Variants in MYO7B observed in about 807,000 individuals in gnomAD.
The protein encoded by MYO7B is unconventional myosin-VIIb.
In MYO7B, 212 loss-of-function variants were observed where a neutral mutation model predicts 259.7. The observed-to-expected ratio is 0.82, with a 90% CI of 0.73 to 0.91. MYO7B has a LOEUF of 0.91. Ranked by LOEUF, MYO7B falls within the 40% of genes least tolerant of loss-of-function variation. The pLI is 0.00. For missense variants in MYO7B, 2,732 were observed against 2,813.5 expected, an observed-to-expected ratio of 0.97 and a Z score of 0.66; for synonymous variants, 1,197 against 1,166.4, an observed-to-expected ratio of 1.03 and a Z score of -0.54.
rs1439102219 is a variant in MYO7B, at chr2:127,569,845, C to T, written c.527C>T (p.Ala176Val). The change falls in exon 6 of 48, where the codon GCC (alanine) becomes GTC (valine). Residue 176 changes from alanine to valine, a missense_variant. Ala to Val is a moderately conservative substitution (Grantham distance 64). Coordinates refer to ENST00000409816, the MANE Select transcript of MYO7B (RefSeq NM_001393586.1). ...ACCAAGCTCATCCTGCAGTTCCTGG[C>T]CACCATCAGTGGCCAGCATTCGTGG... ...ETTKLILQFL[A>V]TISGQHSWIE... 3 of 1,613,452 alleles carry T rather than the reference C, an allele frequency of 1.9e-6. No homozygotes were observed. The highest frequency in any genetic ancestry group is 1.7e-6 in the Non-Finnish European group (2 of 1,179,610).
rs567528214 is a variant in MYO7B, at chr2:127,541,318, G to A, written c.-24+5487G>A. 2.6e-5 allele frequency among the ~76,000 whole-genome samples: 4 copies of A among 152,264 alleles called. No individual in the cohort carries two copies. In the South Asian group the frequency reaches 8.3e-4, roughly 32 times the overall value. On this transcript the variant is annotated intron_variant, in intron 1 of 47. Transcript: ENST00000409816. The stretch of plus-strand genomic sequence containing the variant: ...GTCTCCACAGTGAAGGAGGCATCTC[G>A]AGGGCTGTCTCTCCTATGCTGTCTC...
intron 1 of MYO7B, among the ~76,000 whole-genome samples, chr2:127,554,934 T>C (rs1693582023): frequency 1.3e-5 from 2 of 152,056 alleles, no homozygotes; most frequent in South Asian, 4.2e-4. Context: ...ATACCTCCTG[T>C]TTCATTTCTA....
intron 18 of MYO7B, 132 bp downstream of exon 18, chr2:127,593,776 TC>T: frequency 2.6e-6 from 2 of 769,288 alleles, no homozygotes; most frequent in Non-Finnish European, 4.4e-6. Flanking sequence ...CAAAGTGTGG[TC>T]CCCACCCTCA....
rs1360371009 is a variant in MYO7B at position 127,611,979 on chromosome 2, C to G, written c.3193-271C>G. ...GATCAGAACAGCCCTGAGCCCCTCC[C>G]TGGGGGCTGGTGACCCACTGAGCAG... On this transcript the variant is annotated intron_variant, in intron 24 of 47. Coordinates refer to ENST00000409816, the MANE Select transcript of MYO7B (RefSeq NM_001393586.1). The surrounding 1 kb of genome is among the most constrained non-coding windows in gnomAD (Gnocchi z 5.4). Among the ~76,000 whole-genome samples the G allele has an allele frequency of 6.6e-6, 1 of 152,208 alleles. No individual in the cohort carries two copies. The highest frequency in any genetic ancestry group is 6.5e-5 in the Admixed American group (1 of 15,286).
intron 36 of MYO7B, 84 bp downstream of exon 36, chr2:127,630,992 G>A (rs914918376): frequency 2.0e-5 from 28 of 1,405,480 alleles, no homozygotes; most frequent in South Asian, 2.7e-5. Context: ...TCCCAGCCCC[G>A]CTCCACCTCA....
At chr2:127,540,463 C>T (rs1453164525) in intron 1 of MYO7B, among the ~76,000 whole-genome samples, 2 of 152,122 alleles carry the variant, frequency 1.3e-5, no homozygotes, top group Admixed American at 1.3e-4. Flanking sequence ...CGCGCCCAGC[C>T]GCAAGTGTCT....
At chr2:127,537,284 G>A (rs1212045810) in intron 1 of MYO7B, among the ~76,000 whole-genome samples, 2 of 152,190 alleles carry the variant, frequency 1.3e-5, no homozygotes, top group African/African-American at 4.8e-5. Flanking sequence ...TCCAGCTATT[G>A]TCTCTCTCCT....
chr2:127,558,204 T>C (rs1040097982), intron 1 of MYO7B, among the ~76,000 whole-genome samples: 1 of 152,002 alleles, frequency 6.6e-6, no homozygotes, highest in African/African-American at 2.4e-5. Context: ...AATAGACAAT[T>C]CTCAAAAGAA....
At chr2:127,617,296 C>T (rs1424999250) in intron 26 of MYO7B, among the ~76,000 whole-genome samples, 3 of 152,034 alleles carry the variant, frequency 2.0e-5, no homozygotes, top group South Asian at 2.1e-4. Context: ...GTAGGTGGGG[C>T]AAAAAATTCT....
rs757695231 is a variant in MYO7B, at chr2:127,634,557, G to A, written c.5626-39G>A. The stretch of plus-strand genomic sequence containing the variant: ...GCAGGTTCTCAGGAGGACAGTCCCC[G>A]GAAGCCACCCAACTTCCCTGTACCT... On this transcript the variant is annotated intron_variant, in intron 41 of 47. Coordinates refer to ENST00000409816, the MANE Select transcript of MYO7B (RefSeq NM_001393586.1). 95 of 1,569,768 alleles carry A rather than the reference G, an allele frequency of 6.1e-5. No individual in the cohort carries two copies. The South Asian group carries it at 8.2e-4, about 13-fold the overall frequency.
intron 26 of MYO7B, among the ~76,000 whole-genome samples, chr2:127,617,930 G>A (rs981560677): frequency 6.8e-6 from 1 of 147,524 alleles, no homozygotes; most frequent in East Asian, 2.0e-4. Context: ...ATCTGTTCCT[G>A]TCTGTCCCTG....
intron 27 of MYO7B, among the ~76,000 whole-genome samples, chr2:127,621,752 A>G (rs1020890343): frequency 1.3e-5 from 2 of 152,220 alleles, no homozygotes; most frequent in Non-Finnish European, 2.9e-5. Context: ...ATAGGCCTGC[A>G]TTGTTGTGAC....
At chr2:127,553,640 A>C (rs2104827516) in intron 1 of MYO7B, among the ~76,000 whole-genome samples, 1 of 152,320 alleles carries the variant, frequency 6.6e-6, no homozygotes, top group Non-Finnish European at 1.5e-5. Context: ...TCATTTATCA[A>C]TTCTAGGAGC....
intron 6 of MYO7B, among the ~76,000 whole-genome samples, chr2:127,572,384 A>C (rs2104900841): frequency 7.0e-6 from 1 of 143,472 alleles, no homozygotes; most frequent in Non-Finnish European, 1.5e-5. Context: ...ACACCACTGC[A>C]CTCCAACCTG....
intron 19 of MYO7B, among the ~76,000 whole-genome samples, chr2:127,603,114 C>T (rs1680028334): frequency 6.6e-6 from 1 of 152,222 alleles, no homozygotes; most frequent in Non-Finnish European, 1.5e-5. Flanking sequence ...ATTCCCGCTA[C>T]ATATGCTGTT....
intron 19 of MYO7B, among the ~76,000 whole-genome samples, chr2:127,598,931 C>G (rs1485100508): frequency 6.6e-6 from 1 of 152,198 alleles, no homozygotes; most frequent in African/African-American, 2.4e-5. Flanking sequence ...GTCGATGACT[C>G]TATCCCTCCA....
chr2:127,605,434 A>G (rs554253714), intron 19 of MYO7B, among the ~76,000 whole-genome samples: 1 of 152,308 alleles, frequency 6.6e-6, no homozygotes, highest in South Asian at 2.1e-4. Flanking sequence ...CATCTCTACT[A>G]AAAATACAAA....
In MYO7B at chr2:127,545,260, G is replaced by A. The variant is rs549147551; in HGVS notation, c.-24+9429G>A. The stretch of plus-strand genomic sequence containing the variant: ...AAAGGTGTTTAAATTTTTGATAGAT[G>A]TTATCAAATTGTCTTCTACAAATGG... On this transcript the variant is annotated intron_variant, in intron 1 of 47. Coordinates refer to ENST00000409816, the MANE Select transcript of MYO7B (RefSeq NM_001393586.1). 3.3e-5 allele frequency among the ~76,000 whole-genome samples: 5 copies of A among 152,340 alleles called. 1 individual carries two copies. In the South Asian group the frequency reaches 1.0e-3, roughly 32 times the overall value.
chr2:127,635,406 T>TGGG, intron 43 of MYO7B, 180 bp downstream of exon 43: 2 of 647,042 alleles, frequency 3.1e-6, no homozygotes, highest in Non-Finnish European at 5.3e-6. Flanking sequence ...CAGCAATGTT[T>TGGG]GGGGACAGTG....
Sources: gnomAD v4.1 joint callset for allele counts (sites outside exome capture counted in the v4.1 genomes callset) on GRCh38, gnomAD v4.1.1 for gene constraint, Gnocchi (gnomAD v3.1) non-coding constraint, MANE v1.5 for transcripts, NCBI Gene and HGNC (gene_info 2026-07-23, HGNC 2026-07-21) for gene names.